Variants in NXPE4 observed in about 807,000 individuals in gnomAD.
NXPE4 encodes the protein NXPE family member 4.
NXPE4 carries 42 observed loss-of-function variants against 33.3 expected under a neutral mutation model. The observed-to-expected ratio is 1.26, with a 90% confidence interval of 0.98 to 1.63. The LOEUF is 1.63. Among genes scored for constraint, NXPE4 ranks in the 40% most tolerant of loss-of-function variants. The pLI, the probability that NXPE4 is intolerant of heterozygous loss-of-function variation, is 0.00. For missense variants in NXPE4, 709 were observed against 647.6 expected (o/e 1.09, Z -1.03); for synonymous variants, 253 against 234.9 (o/e 1.08, Z -0.71).
the NXPE4 span, among the ~76,000 whole-genome samples, chr11:114,640,118 G>T: frequency 8.4e-6 from 1 of 119,532 alleles, no homozygotes; most frequent in South Asian, 2.6e-4. Context: ...ATTGTATTAT[G>T]TTATATGTAA....
chr11:114,635,541 C>G, the NXPE4 span, among the ~76,000 whole-genome samples: 325 of 152,054 alleles, frequency 2.1e-3, 1 homozygote, highest in Non-Finnish European at 3.5e-3. Context: ...CTGTCTTGTG[C>G]CAGTTTTCAA....
chr11:114,668,231 T>C, the NXPE4 span, among the ~76,000 whole-genome samples: 1 of 152,134 alleles, frequency 6.6e-6, no homozygotes, highest in African/African-American at 2.4e-5. Context: ...CCTATTAGGA[T>C]CTATGTTAAT....
the NXPE4 span, among the ~76,000 whole-genome samples, chr11:114,615,181 C>T: frequency 6.6e-6 from 1 of 151,402 alleles, no homozygotes; most frequent in Non-Finnish European, 1.5e-5. Flanking sequence ...AGTAAGTATT[C>T]CTTCGTTGGT....
At chr11:114,666,147 CCTT>C in the NXPE4 span, among the ~76,000 whole-genome samples, 1 of 152,142 alleles carries the variant, frequency 6.6e-6, no homozygotes, top group Non-Finnish European at 1.5e-5. Flanking sequence ...TTTCCACTGA[CCTT>C]CTCCTTCTCT....
chr11:114,623,435 C>T, the NXPE4 span, among the ~76,000 whole-genome samples: 1 of 152,220 alleles, frequency 6.6e-6, no homozygotes, highest in East Asian at 1.9e-4. Flanking sequence ...TAAGTATTCC[C>T]TCATGGGTAA....
the NXPE4 span, among the ~76,000 whole-genome samples, chr11:114,637,144 C>T: frequency 2.0e-5 from 3 of 151,604 alleles, no homozygotes; most frequent in Admixed American, 1.3e-4. Flanking sequence ...AATCTAGGTG[C>T]TCCTGTATTG....
At chr11:114,601,189 A>T in the NXPE4 span, among the ~76,000 whole-genome samples, 4,836 of 151,444 alleles carry the variant, frequency 0.032, 269 homozygotes, top group African/African-American at 0.11. Context: ...TGTACCTGTC[A>T]CTCAAATAGC....
the NXPE4 span, among the ~76,000 whole-genome samples, chr11:114,644,204 G>C: frequency 6.6e-6 from 1 of 152,144 alleles, no homozygotes; most frequent in South Asian, 2.1e-4. Flanking sequence ...TCTGCAAACA[G>C]AGACAATATG....
the NXPE4 span, among the ~76,000 whole-genome samples, chr11:114,629,908 AC>A: frequency 6.7e-6 from 1 of 150,202 alleles, no homozygotes; most frequent in Non-Finnish European, 1.5e-5. Flanking sequence ...TCATGAGTGA[AC>A]TCCCATTCAC....
intron 2 of NXPE4, among the ~76,000 whole-genome samples, chr11:114,591,204 A>G (rs1949444328): frequency 6.6e-6 from 1 of 152,240 alleles, no homozygotes; most frequent in South Asian, 2.1e-4. Context: ...GTGCTCAACT[A>G]GCTGAACTGA....
the NXPE4 span, among the ~76,000 whole-genome samples, chr11:114,678,115 G>A: frequency 6.6e-6 from 1 of 152,140 alleles, no homozygotes; most frequent in African/African-American, 2.4e-5. Flanking sequence ...AAATTGAGAG[G>A]ACCCAGCTGA....
At chr11:114,617,568 C>T in the NXPE4 span, among the ~76,000 whole-genome samples, 1 of 152,040 alleles carries the variant, frequency 6.6e-6, no homozygotes, top group Non-Finnish European at 1.5e-5. Context: ...ATAATAGTTG[C>T]CTCACGGGTA....
At chr11:114,583,723 C>A in intron 2 of NXPE4, 1 of 545,432 alleles carries the variant, frequency 1.8e-6, no homozygotes, top group Non-Finnish European at 3.6e-6. Context: ...ATGATACAAT[C>A]TGGGCCACCT....
intron 2 of NXPE4, among the ~76,000 whole-genome samples, chr11:114,589,522 T>C (rs922302872): frequency 2.6e-5 from 4 of 152,136 alleles, no homozygotes; most frequent in African/African-American, 9.7e-5. Context: ...TTTTAAATCA[T>C]GCCTGAAAGT....
the NXPE4 span, among the ~76,000 whole-genome samples, chr11:114,628,539 A>G: frequency 1.3e-5 from 2 of 151,618 alleles, no homozygotes; most frequent in African/African-American, 2.4e-5. Context: ...AGGGAAATTT[A>G]TAGCACTAAA....
the NXPE4 span, among the ~76,000 whole-genome samples, chr11:114,601,692 AT>A: frequency 7.0e-5 from 5 of 71,758 alleles, no homozygotes; most frequent in African/African-American, 1.7e-4. Flanking sequence ...GATTATATAT[AT>A]TTATAATTCT....
the NXPE4 span, among the ~76,000 whole-genome samples, chr11:114,611,415 G>A: frequency 1.3e-5 from 2 of 151,438 alleles, no homozygotes; most frequent in African/African-American, 4.8e-5. Flanking sequence ...TGGATAATAA[G>A]TATTGCCTCT....
At chr11:114,608,706 G>A in the NXPE4 span, among the ~76,000 whole-genome samples, 1 of 151,678 alleles carries the variant, frequency 6.6e-6, no homozygotes, top group Non-Finnish European at 1.5e-5. Context: ...CTGTAACCAG[G>A]TGGATAATAA....
At chr11:114,575,705 A>T (rs1220192490) in intron 5 of NXPE4, among the ~76,000 whole-genome samples, 3 of 152,214 alleles carry the variant, frequency 2.0e-5, no homozygotes, top group African/African-American at 7.2e-5. Flanking sequence ...TATAGATGAC[A>T]TGAATAAATG....
Sources: allele counts gnomAD v4.1 joint callset (sites outside exome capture counted in the v4.1 genomes callset), GRCh38; gene constraint gnomAD v4.1.1; transcripts MANE v1.5; gene names NCBI Gene and HGNC (gene_info 2026-07-23, HGNC 2026-07-21).